The following BCOR variants were observed in gnomAD, a reference collection of about 807,000 sequenced individuals.
The protein encoded by BCOR is BCL6 corepressor.
In BCOR, 10 loss-of-function variants were observed where a neutral mutation model predicts 86.7. The ratio of observed to expected loss-of-function variants is 0.12; its 90% CI spans 0.07 to 0.20. The LOEUF is 0.20. Ranked by LOEUF, BCOR falls within the 10% of genes least tolerant of loss-of-function variation. The pLI, the probability that BCOR is intolerant of heterozygous loss-of-function variation, is 1.00. For synonymous variants in BCOR, 611 were observed against 609.0 expected (o/e 1.00, Z -0.05); for missense variants, 1,259 against 1,452.1 (o/e 0.87, Z 2.16).
In BCOR at chrX:40,074,702, A is replaced by G. The variant is rs1333086341; in HGVS notation, c.644T>C (p.Leu215Pro). The G allele has an allele frequency of 2.5e-6, 3 of 1,209,849 alleles. No homozygotes were observed. The highest frequency in any genetic ancestry group is 3.4e-6 in the Non-Finnish European group (3 of 895,142). Residue 215 changes from leucine to proline, a missense_variant, in exon 4 of 15, where the codon CTG becomes CCG. By Grantham distance (98) the Leu-to-Pro change is moderately conservative (BLOSUM62 -3). Transcript: ENST00000378444. ...PFLDSPNKYS[L>P]NMYKALLPQQ... ...AGGTAGCAAGGCCTTGTACATGTTCAGTGAATACTTATTTGGCGAGTCGAG... is the reference window on the plus strand; with the variant it reads ...AGGTAGCAAGGCCTTGTACATGTTCGGTGAATACTTATTTGGCGAGTCGAG...
In BCOR at chrX:40,103,564, A is replaced by T. The variant is rs185644845; in HGVS notation, c.-40-25595T>A. The stretch of plus-strand genomic sequence containing the variant: ...GATTTTGTTCTTAAAATAATAATTT[A>T]AAAAAAGAGCCACCCAGCCTTCCAC... On this transcript the variant is annotated intron_variant, in intron 1 of 14. Transcript: ENST00000342274. 4.2e-3 allele frequency among the ~76,000 whole-genome samples: 470 copies of T among 111,184 alleles called. 1 individual carries two copies. The highest frequency in any genetic ancestry group is 0.015 in the African/African-American group (444 of 30,512).
intron 1 of BCOR, among the ~76,000 whole-genome samples, chrX:40,159,868 T>A (rs1049658973): frequency 9.0e-6 from 1 of 110,981 alleles, no homozygotes; most frequent in Admixed American, 9.5e-5. Flanking sequence ...CAAAGAAAAT[T>A]AGGCAAATAT....
chrX:40,127,431 C>G (rs1302852396), intron 1 of BCOR, among the ~76,000 whole-genome samples: 1 of 112,509 alleles, frequency 8.9e-6, no homozygotes, highest in African/African-American at 3.2e-5. Context: ...AGCAGAGGAA[C>G]AGCCCAGCCA....
rs144653977 is a variant in BCOR, at chrX:40,062,262, T to C, written c.4305A>G (p.Pro1435=). 345 of 1,209,115 alleles carry C rather than the reference T, an allele frequency of 2.9e-4. No individual in the cohort carries two copies. In the South Asian group the frequency reaches 4.1e-3, roughly 14 times the overall value. ...TGGTCTCCTGAGGGGAACTTGAGCA[T>C]GGCAGCTGTGTGGACTGGGAGGCTG... ...LLPASQSTQL[P]CSSSPQETTQ... is the part of the protein sequence containing the mutation. The change falls in exon 10 of 15, where the codon CCA becomes CCG. Residue 1435 remains proline (P), a synonymous_variant. Transcript: ENST00000378444.
intron 1 of BCOR, among the ~76,000 whole-genome samples, chrX:40,160,590 A>G (rs1297108655): frequency 9.4e-6 from 1 of 106,735 alleles, no homozygotes; most frequent in Non-Finnish European, 1.9e-5. Context: ...CCCATTACTG[A>G]CACTAGAAAA....
rs1441129022 is a variant in BCOR at position 40,076,066 on chromosome X, T to C, written c.165+388A>G. ...ATAGAGGCCATGGGTCAAACTGTGGTTGTGTCTTTTGACTTCCTCTCCCTT... is the reference window on the plus strand; with the variant it reads ...ATAGAGGCCATGGGTCAAACTGTGGCTGTGTCTTTTGACTTCCTCTCCCTT... On this transcript the variant is annotated intron_variant, in intron 3 of 14. Coordinates refer to ENST00000378444, the MANE Select transcript of BCOR (RefSeq NM_001123385.2). 2.8e-4 allele frequency among the ~76,000 whole-genome samples: 31 copies of C among 112,242 alleles called. No individual in the cohort carries two copies. The Admixed American group carries it at 2.8e-3, about 10-fold the overall frequency.
chrX:40,110,667 C>CTTTTTTT lies in BCOR; in HGVS notation c.-40-32705_-40-32699dup, dbSNP rs546960508. 2.0e-4 allele frequency among the ~76,000 whole-genome samples: 6 copies of CTTTTTTT among 29,549 alleles called. 1 individual carries two copies. Among genetic ancestry groups the CTTTTTTT allele is most frequent in the East Asian group, 9.8e-4 (1 of 1,018 alleles). 25.7% of individuals were successfully genotyped at this position (29,549 alleles called of 115,157 possible). ...TTCTTTTTTTTCTTTTTTCCTTTTT[C>CTTTTTTT]TTTTTTTTTTTTTTTTTTTTTTTTT... On this transcript the variant is annotated intron_variant, in intron 1 of 14. Transcript: ENST00000342274.
chrX:40,125,486 G>A (rs1602243421), intron 1 of BCOR, among the ~76,000 whole-genome samples: 1 of 110,962 alleles, frequency 9.0e-6, no homozygotes, highest in African/African-American at 3.3e-5. Flanking sequence ...CATCTGCCTC[G>A]ACCTCCCAAA....
At chrX:40,092,140 G>T (rs1463423223) in intron 1 of BCOR, among the ~76,000 whole-genome samples, 1 of 111,879 alleles carries the variant, frequency 8.9e-6, no homozygotes, top group African/African-American at 3.2e-5. Flanking sequence ...CTCCGGGTCC[G>T]CCGGGCCCGG....
upstream of BCOR, among the ~76,000 whole-genome samples, chrX:40,099,312 TTGG>T (rs1389968085): frequency 9.0e-6 from 1 of 111,197 alleles, no homozygotes; most frequent in Admixed American, 9.4e-5. Flanking sequence ...GAAGCCCTAG[TTGG>T]TGAAGCTGGC....
intron 1 of BCOR, among the ~76,000 whole-genome samples, chrX:40,139,497 AT>A (rs750808544): frequency 1.8e-4 from 1 of 5,709 alleles, no homozygotes; most frequent in African/African-American, 5.8e-4. Context: ...ATATATATAT[AT>A]TTTTTTTTTT....
rs183839523 is a variant in BCOR at position 40,116,504 on chromosome X, A to C, written c.-40-38535T>G. The stretch of plus-strand genomic sequence containing the variant: ...GGTGCAAGACTCTGTCTCAAAAAAA[A>C]AAAACTGTCCTATAATAAAGGTACT... On this transcript the variant is annotated intron_variant, in intron 1 of 14. Transcript: ENST00000342274. 4.5e-5 allele frequency among the ~76,000 whole-genome samples: 5 copies of C among 110,900 alleles called. No individual in the cohort carries two copies. The East Asian group carries it at 1.4e-3, about 31-fold the overall frequency.
intron 1 of BCOR, among the ~76,000 whole-genome samples, chrX:40,152,468 C>A (rs1938187779): frequency 8.9e-6 from 1 of 112,480 alleles, no homozygotes; most frequent in African/African-American, 3.2e-5. Flanking sequence ...TCTGAGCTGG[C>A]AGCCAGCGGG....
At chrX:40,156,374 G>A (rs1284521295) in intron 1 of BCOR, among the ~76,000 whole-genome samples, 1 of 111,680 alleles carries the variant, frequency 9.0e-6, no homozygotes, top group Non-Finnish European at 1.9e-5. Flanking sequence ...TTTTTTCGGG[G>A]CGGGGGTAGG....
intron 1 of BCOR, among the ~76,000 whole-genome samples, chrX:40,138,596 C>A (rs976309635): frequency 9.0e-6 from 1 of 110,585 alleles, no homozygotes; most frequent in Non-Finnish European, 1.9e-5. Context: ...GCTCTGTCAC[C>A]CAGGCAGGAG....
At chrX:40,059,211 C>T (rs1484828134) in intron 10 of BCOR, among the ~76,000 whole-genome samples, 2 of 111,890 alleles carry the variant, frequency 1.8e-5, no homozygotes, top group Non-Finnish European at 3.8e-5. Context: ...AGACGTTTTG[C>T]CATTGGCCAC....
At chrX:40,067,457 A>G (rs1935259294) in intron 6 of BCOR, among the ~76,000 whole-genome samples, 2 of 111,608 alleles carry the variant, frequency 1.8e-5, no homozygotes, top group Admixed American at 9.4e-5. Context: ...GCCTCCTCCA[A>G]GTCCCCACCA....
At chrX:40,126,977 A>G (rs1937551942) in intron 1 of BCOR, among the ~76,000 whole-genome samples, 1 of 112,314 alleles carries the variant, frequency 8.9e-6, no homozygotes, top group African/African-American at 3.2e-5. Flanking sequence ...CCCTGCTGAC[A>G]ACTTGTTCTT....
At chrX:40,167,602 G>GC (rs1938529789) in intron 1 of BCOR, among the ~76,000 whole-genome samples, 1 of 113,008 alleles carries the variant, frequency 8.8e-6, no homozygotes, top group African/African-American at 3.2e-5. Flanking sequence ...GCGGCCCTCA[G>GC]CCGCCTGCTC....
Sources: gnomAD v4.1 joint callset for allele counts (sites outside exome capture counted in the v4.1 genomes callset) on GRCh38, gnomAD v4.1.1 for gene constraint, MANE v1.5 for transcripts, NCBI Gene and HGNC (gene_info 2026-07-23, HGNC 2026-07-21) for gene names.